TRPC7: variants seen among roughly 807,000 people sequenced by gnomAD.
TRPC7 encodes transient receptor potential cation channel subfamily C member 7.
A neutral mutation model predicts 90.1 loss-of-function variants in TRPC7; 42 were observed. That is an observed-to-expected ratio of 0.47 (90% confidence interval 0.36 to 0.60). The LOEUF (loss-of-function observed/expected upper bound fraction) is 0.60. Ranked by LOEUF, TRPC7 falls within the 20% of genes least tolerant of loss-of-function variation. TRPC7 has a pLI of 0.00. For missense variants in TRPC7, 955 were observed against 1,112.3 expected (o/e 0.86, Z 2.01); for synonymous variants, 451 against 436.3 (o/e 1.03, Z -0.42).
chr5:136,272,540 A>G (rs1035727053), intron 4 of TRPC7, among the ~76,000 whole-genome samples: 1 of 152,194 alleles, frequency 6.6e-6, no homozygotes, highest in Non-Finnish European at 1.5e-5. Context: ...TGCCACCAAG[A>G]GTCATCTCAT....
chr5:136,324,842 T>C (rs1205877735), intron 2 of TRPC7, among the ~76,000 whole-genome samples: 1 of 152,222 alleles, frequency 6.6e-6, no homozygotes, highest in Non-Finnish European at 1.5e-5. Context: ...GAGACATCCA[T>C]ACAATACAGG....
intron 3 of TRPC7, among the ~76,000 whole-genome samples, chr5:136,292,015 A>C (rs1757976434): frequency 6.6e-6 from 1 of 152,316 alleles, no homozygotes; most frequent in South Asian, 2.1e-4. Context: ...ACTACATGGA[A>C]ACTGAACAAC....
chr5:136,305,502 G>A (rs971850948), intron 3 of TRPC7, among the ~76,000 whole-genome samples: 7 of 151,774 alleles, frequency 4.6e-5, no homozygotes, highest in Non-Finnish European at 7.4e-5. Context: ...CATCAAGCTC[G>A]AGGATTTTCC....
Position 136,241,062 on chromosome 5 carries a change from G to A in TRPC7, c.1844+6409C>T, listed in dbSNP as rs546383863. ...CAGCTGCAGTTCCCATAGCTGGAAG[G>A]GGAATCTGGCTTCTCTATGGCAAGG... On this transcript the variant is annotated intron_variant, in intron 7 of 11. Coordinates refer to ENST00000513104, the MANE Select transcript of TRPC7 (RefSeq NM_020389.3). Among the ~76,000 whole-genome samples, 18 of 152,184 alleles carry A rather than the reference G, an allele frequency of 1.2e-4. No homozygotes were observed. The South Asian group carries it at 3.1e-3, about 26-fold the overall frequency.
intron 3 of TRPC7, among the ~76,000 whole-genome samples, chr5:136,313,170 G>A (rs1464038417): frequency 6.6e-6 from 1 of 151,926 alleles, no homozygotes; most frequent in Non-Finnish European, 1.5e-5. Context: ...AACAAAAGCT[G>A]TTTGACTGTT....
At chr5:136,331,943 T>C (rs1364218159) in intron 2 of TRPC7, among the ~76,000 whole-genome samples, 1 of 151,680 alleles carries the variant, frequency 6.6e-6, no homozygotes, top group Non-Finnish European at 1.5e-5. Flanking sequence ...TTATTGGGGG[T>C]ATAGGAACTG....
Position 136,231,565 on chromosome 5 carries a change from C to T in TRPC7, c.1845-16G>A, listed in dbSNP as rs139482169. ...TTCTTCAACCCTGCAAAGAAACAGA[C>T]GGTCCTTTTACGCAGTTTGCATCAG... is the stretch of plus-strand genomic sequence containing the variant. On this transcript the variant is annotated splice_polypyrimidine_tract_variant and intron_variant, in intron 7 of 11. Transcript: ENST00000513104. 48 of 1,574,734 alleles carry T rather than the reference C, an allele frequency of 3.0e-5. No homozygotes were observed. Among genetic ancestry groups the T allele is most frequent in the East Asian group, 2.5e-4 (11 of 43,928 alleles).
chr5:136,218,159 AATATAT>A (rs200610770), intron 10 of TRPC7, among the ~76,000 whole-genome samples: 1 of 146,476 alleles, frequency 6.8e-6, no homozygotes, highest in Admixed American at 6.9e-5. Flanking sequence ...ATATATATAA[AATATAT>A]AATATATATC....
At chr5:136,347,068 G>A (rs753845511) in intron 2 of TRPC7, among the ~76,000 whole-genome samples, 8 of 152,174 alleles carry the variant, frequency 5.3e-5, no homozygotes, top group Non-Finnish European at 1.0e-4. Flanking sequence ...GACAAGTCAA[G>A]GTTTGGCAGA....
At chr5:136,304,814 C>A (rs1324030820) in intron 3 of TRPC7, among the ~76,000 whole-genome samples, 1 of 152,174 alleles carries the variant, frequency 6.6e-6, no homozygotes, top group African/African-American at 2.4e-5. Flanking sequence ...AACCTCAATC[C>A]CTTACAAAAC....
rs533903035 is a variant in TRPC7 at position 136,281,196 on chromosome 5, G to C, written c.964-6359C>G. 2.6e-5 allele frequency among the ~76,000 whole-genome samples: 4 copies of C among 152,230 alleles called. No homozygotes were observed. In the East Asian group the frequency reaches 7.7e-4, roughly 29 times the overall value. On this transcript the variant is annotated intron_variant, in intron 3 of 11. Transcript: ENST00000513104. ...CCTATTCATCAGCCAAGTCTCTGTA[G>C]AGATAAAAATCAGAAATACACAAGA... is the stretch of plus-strand genomic sequence containing the variant.
intron 3 of TRPC7, among the ~76,000 whole-genome samples, chr5:136,277,282 G>A (rs1561698092): frequency 6.6e-6 from 1 of 152,220 alleles, no homozygotes; most frequent in African/African-American, 2.4e-5. Flanking sequence ...TTGGGGCTCT[G>A]TCTTCCTCTG....
intron 6 of TRPC7, among the ~76,000 whole-genome samples, chr5:136,248,059 T>C (rs932489027): frequency 2.6e-5 from 4 of 152,210 alleles, no homozygotes; most frequent in Non-Finnish European, 4.4e-5. Flanking sequence ...TTTCCGTCTG[T>C]GCTCTCATTG....
chr5:136,346,385 G>C (rs769356446), intron 2 of TRPC7, among the ~76,000 whole-genome samples: 8 of 152,028 alleles, frequency 5.3e-5, no homozygotes, highest in Non-Finnish European at 1.2e-4. Context: ...CACTTTAAAA[G>C]GTTTTTGTCA....
chr5:136,274,117 G>T (rs181867395), intron 4 of TRPC7, among the ~76,000 whole-genome samples: 62 of 152,294 alleles, frequency 4.1e-4, no homozygotes, highest in Non-Finnish European at 4.9e-4. Context: ...CATCGAAGGG[G>T]CCAGGAAAAC....
intron 3 of TRPC7, among the ~76,000 whole-genome samples, chr5:136,311,490 G>T (rs1052262955): frequency 2.0e-5 from 3 of 152,178 alleles, no homozygotes; most frequent in African/African-American, 4.8e-5. Flanking sequence ...TGGTTGGGTT[G>T]GTTCCCAGTT....
intron 5 of TRPC7, among the ~76,000 whole-genome samples, chr5:136,257,178 TTTC>T: frequency 6.6e-6 from 1 of 152,094 alleles, no homozygotes; most frequent in South Asian, 2.1e-4. Flanking sequence ...TTAAAATGTT[TTTC>T]TTTCTTTTTT....
intron 1 of TRPC7, among the ~76,000 whole-genome samples, chr5:136,364,530 C>T (rs1760664986): frequency 6.6e-6 from 1 of 152,130 alleles, no homozygotes; most frequent in African/African-American, 2.4e-5. Context: ...CTGAGTGCCA[C>T]CAGACAGGGT....
intron 8 of TRPC7, 22 bp downstream of exon 8, chr5:136,231,332 A>G (rs775618015): frequency 5.9e-5 from 92 of 1,563,836 alleles, no homozygotes; most frequent in Non-Finnish European, 7.8e-5. Context: ...GAGAGCAAGC[A>G]TTTTCAGTGA....
Sources: gnomAD v4.1 joint callset for allele counts (sites outside exome capture counted in the v4.1 genomes callset) on GRCh38, gnomAD v4.1.1 for gene constraint, MANE v1.5 for transcripts, NCBI Gene and HGNC (gene_info 2026-07-23, HGNC 2026-07-21) for gene names.